The following DGKH variants were observed in gnomAD, a reference collection of about 807,000 sequenced individuals.
DGKH encodes the protein diacylglycerol kinase eta.
In DGKH, 90 loss-of-function variants were observed where a neutral mutation model predicts 159.3. The ratio of observed to expected loss-of-function variants is 0.57; its 90% CI spans 0.48 to 0.67. The LOEUF is 0.67. Ranked by LOEUF, DGKH falls within the 30% of genes least tolerant of loss-of-function variation. DGKH has a pLI of 0.00. For missense variants in DGKH, 1,181 were observed against 1,506.1 expected (o/e 0.78, Z 3.57); for synonymous variants, 536 against 553.8 (o/e 0.97, Z 0.45).
intron 1 of DGKH, among the ~76,000 whole-genome samples, chr13:42,111,932 C>G (rs756378627): frequency 6.6e-6 from 1 of 152,202 alleles, no homozygotes; most frequent in Non-Finnish European, 1.5e-5. Flanking sequence ...CTGGGTTGAG[C>G]ATGGCAGGAT....
chr13:42,040,477 G>A (rs1880416459), intron 1 of DGKH, among the ~76,000 whole-genome samples: 1 of 151,762 alleles, frequency 6.6e-6, no homozygotes, highest in African/African-American at 2.4e-5. Flanking sequence ...CGTGTGTCCC[G>A]GGCCACCCGC....
intron 1 of DGKH, among the ~76,000 whole-genome samples, chr13:42,052,488 A>G (rs1423578640): frequency 2.0e-5 from 3 of 152,212 alleles, no homozygotes; most frequent in East Asian, 3.8e-4. Flanking sequence ...TACAAAAGTG[A>G]AAGTGGTGCT....
rs1210794570 is a variant in DGKH at position 42,232,889 on chromosome 13, G to A, written c.*3701G>A. ...CAAGCCTGTAATTCCGGTGACTCAGGAGGCTTAGGAGGGAAGATGGCTTCA... is the reference window on the plus strand; with the variant it reads ...CAAGCCTGTAATTCCGGTGACTCAGAAGGCTTAGGAGGGAAGATGGCTTCA... On this transcript the variant is annotated 3_prime_UTR_variant, in exon 30 of 30. Transcript: ENST00000337343. The A allele has an allele frequency of 2.0e-5, 3 of 152,216 alleles. No individual in the cohort carries two copies. Among genetic ancestry groups the A allele is most frequent in the African/African-American group, 7.2e-5 (3 of 41,450 alleles). The allele number at this position is 152,216 out of a possible 1,614,324, so 9.4% of individuals were successfully genotyped here. A position where few individuals can be genotyped will look rare whatever the true frequency, so the allele number is the denominator to read the frequency against.
chr13:42,150,050 T>C (rs1426113099), intron 3 of DGKH, among the ~76,000 whole-genome samples: 1 of 152,244 alleles, frequency 6.6e-6, no homozygotes, highest in Non-Finnish European at 1.5e-5. Flanking sequence ...TTTAGTCTGT[T>C]CTTAGAGTAC....
At chr13:42,078,513 C>T (rs980685366) in intron 1 of DGKH, among the ~76,000 whole-genome samples, 4 of 152,174 alleles carry the variant, frequency 2.6e-5, no homozygotes, top group African/African-American at 9.7e-5. Flanking sequence ...AAATCTAGTG[C>T]ATCTGATTGG....
At chr13:42,157,047 A>G (rs1956064302) in intron 5 of DGKH, among the ~76,000 whole-genome samples, 1 of 152,234 alleles carries the variant, frequency 6.6e-6, no homozygotes, top group Non-Finnish European at 1.5e-5. Context: ...AATTGGAAGA[A>G]GTTTGTAACT....
At position 42,236,460 on chromosome 13, in the gene DGKH, A is replaced by G. The variant is rs563354515; in HGVS notation, c.*7272A>G. On this transcript the variant is annotated 3_prime_UTR_variant, in exon 30 of 30. Transcript: ENST00000337343. ...TTTTTAAAATATAAAGCCAAAATGA[A>G]TTCACCAATATTAAGGATTTAATGT... is the stretch of plus-strand genomic sequence containing the variant. 1.2e-4 allele frequency: 18 copies of G among 152,354 alleles called. No individual in the cohort carries two copies. The East Asian group carries it at 3.1e-3, about 26-fold the overall frequency. The allele number at this position is 152,354 out of a possible 1,614,324, so 9.4% of individuals were successfully genotyped here. A position where few individuals can be genotyped will look rare whatever the true frequency, so the allele number is the denominator to read the frequency against.
chr13:42,097,337 C>G (rs914914171), intron 1 of DGKH, among the ~76,000 whole-genome samples: 1 of 152,052 alleles, frequency 6.6e-6, no homozygotes, highest in Non-Finnish European at 1.5e-5. Flanking sequence ...ATCTTTTTGT[C>G]TTTTCATTCA....
intron 1 of DGKH, among the ~76,000 whole-genome samples, chr13:42,059,345 G>A (rs1486074081): frequency 1.3e-5 from 2 of 151,940 alleles, no homozygotes; most frequent in African/African-American, 2.4e-5. Context: ...TGCCTCTGGG[G>A]TTTAAGCGAT....
chr13:42,040,172 G>A (rs1408468212), intron 1 of DGKH: 1 of 152,364 alleles, frequency 6.6e-6, no homozygotes, highest in Non-Finnish European at 1.5e-5. Context: ...ACCCCCAGGA[G>A]GGGAGGCGCC....
At position 42,134,752 on chromosome 13, in the gene DGKH, C is replaced by T. The variant is rs9566929; in HGVS notation, c.384+5120C>T. ...GCGTGGTGGCTCATGCCTGTAATCC[C>T]AGCACTTTGGGAGGCCCAGGCAGGT... On this transcript the variant is annotated intron_variant, in intron 3 of 29. Coordinates refer to ENST00000337343, the MANE Select transcript of DGKH (RefSeq NM_178009.5). Among the ~76,000 whole-genome samples, 207 of 152,248 alleles carry T rather than the reference C, an allele frequency of 1.4e-3. 4 individuals are homozygous for T. In the East Asian group the frequency reaches 0.027, roughly 20 times the overall value.
intron 21 of DGKH, among the ~76,000 whole-genome samples, chr13:42,207,123 C>T (rs1163973981): frequency 0.031 from 1,612 of 51,984 alleles, 183 homozygotes; most frequent in Non-Finnish European, 0.044. Flanking sequence ...CTCTTTCTCT[C>T]TCCTTCCTTC....
chr13:42,109,671 CGT>C (rs765879320), intron 1 of DGKH, among the ~76,000 whole-genome samples: 3,361 of 131,826 alleles, frequency 0.025, 100 homozygotes, highest in African/African-American at 0.082. Flanking sequence ...CGTGTGTGTG[CGT>C]GTGTGTGTGT....
At chr13:42,117,735 C>CT (rs1397343155) in intron 1 of DGKH, among the ~76,000 whole-genome samples, 1 of 152,012 alleles carries the variant, frequency 6.6e-6, no homozygotes, top group African/African-American at 2.4e-5. Context: ...TGTAATAATT[C>CT]TATAGAAAAA....
chr13:42,064,575 A>G (rs1022404471), intron 1 of DGKH, among the ~76,000 whole-genome samples: 1 of 152,156 alleles, frequency 6.6e-6, no homozygotes, highest in African/African-American at 2.4e-5. Flanking sequence ...GGGAGTAACC[A>G]TGGGACTGAG....
Position 42,209,043 on chromosome 13 carries a change from A to G in DGKH, c.2686A>G (p.Ile896Val). The change falls in exon 22 of 30, where the codon ATT (isoleucine) becomes GTT (valine). Residue 896 changes from isoleucine (I) to valine (V), a missense_variant. Ile to Val is a conservative substitution (Grantham distance 29). This residue lies in a region of DGKH where 335 missense variants were observed against 495.2 expected (regional missense o/e 0.68). Coordinates refer to ENST00000337343, the MANE Select transcript of DGKH (RefSeq NM_178009.5). ...CATGCAAATGGCAGTTTCAAGGGTC[A>G]TTAAACTGCAGCATCATCGAATAGC... ...DSMQMAVSRV[I>V]KLQHHRIAQC... is the part of the protein sequence containing the mutation. 1 of 1,611,608 alleles carries G rather than the reference A, an allele frequency of 6.2e-7. No individual in the cohort carries two copies. Among genetic ancestry groups the G allele is most frequent in the Non-Finnish European group, 8.5e-7 (1 of 1,178,874 alleles).
At chr13:42,198,456 A>C (rs747527636) in intron 17 of DGKH, 22 bp from the exon 18 acceptor site, 1 of 1,599,294 alleles carries the variant, frequency 6.3e-7, no homozygotes, top group Non-Finnish European at 8.6e-7. Context: ...GCGATCCCAT[A>C]TGTGTTTGCT....
intron 29 of DGKH, among the ~76,000 whole-genome samples, chr13:42,222,225 G>A (rs1472273459): frequency 6.6e-6 from 1 of 152,174 alleles, no homozygotes; most frequent in Non-Finnish European, 1.5e-5. Flanking sequence ...TTTCCAATAA[G>A]TAGTAACGTT....
At chr13:42,184,480 C>A (rs962600617) in intron 13 of DGKH, among the ~76,000 whole-genome samples, 4 of 152,228 alleles carry the variant, frequency 2.6e-5, no homozygotes, top group Middle Eastern at 3.4e-3. Context: ...TTGTTAGCCT[C>A]AACTGAGTAT....
Sources: allele counts gnomAD v4.1 joint callset (sites outside exome capture counted in the v4.1 genomes callset), GRCh38; gene constraint gnomAD v4.1.1; regional missense constraint gnomAD v4.1.1; transcripts MANE v1.5; gene names NCBI Gene and HGNC (gene_info 2026-07-23, HGNC 2026-07-21).